CHFR: variants seen among roughly 807,000 people sequenced by gnomAD.
CHFR encodes checkpoint with forkhead and ring finger domains, also known as E3 ubiquitin-protein ligase CHFR.
Under a neutral mutation model 87.6 loss-of-function variants are expected in CHFR, and 57 were observed. The observed-to-expected ratio is 0.65, with a 90% CI of 0.53 to 0.81. CHFR has a LOEUF of 0.81. Among genes scored for constraint, CHFR ranks in the 30% least tolerant of loss-of-function variants. The pLI is 0.00. For missense variants in CHFR, 797 were observed against 865.8 expected (o/e 0.92, Z 1.00); for synonymous variants, 381 against 359.2 (o/e 1.06, Z -0.69).
chr12:132,858,998 G>A, intron 8 of CHFR, 70 bp downstream of exon 8: 1 of 1,480,406 alleles, frequency 6.8e-7, no homozygotes, highest in Non-Finnish European at 9.2e-7. Context: ...CTCATGCCCA[G>A]CCCTGCCCCA....
At chr12:132,885,037 G>A (rs986142381) in intron 2 of CHFR, among the ~76,000 whole-genome samples, 6 of 151,458 alleles carry the variant, frequency 4.0e-5, no homozygotes, top group African/African-American at 1.2e-4. Context: ...GCAGTGAGCC[G>A]AGATCATGCC....
intron 14 of CHFR, 46 bp downstream of exon 14, chr12:132,848,039 G>A (rs1398893789): frequency 7.4e-6 from 12 of 1,611,936 alleles, no homozygotes; most frequent in Non-Finnish European, 1.0e-5. Context: ...GCTGCACTAG[G>A]GAGAAAATGT....
In CHFR at chr12:132,851,695, A is replaced by C. The variant is rs1345653105; in HGVS notation, c.1415T>G (p.Leu472Arg). ...CATGGGCTGGAAGCAGCAGGTGCAC[A>C]GGGCGTGGCTTCCTTGCAGAGGGCA... ...YVCPLQGSHA[L>R]CTCCFQPMPD... The change falls in exon 12 of 18, where the codon CTG (leucine) becomes CGG (arginine). Residue 472 changes from leucine to arginine, a missense_variant. Physicochemically the swap from Leu to Arg is moderately radical, Grantham distance 102. Transcript: ENST00000450056. 4 of 1,613,434 alleles carry C rather than the reference A, an allele frequency of 2.5e-6. No homozygotes were observed. The highest frequency in any genetic ancestry group is 3.4e-6 in the Non-Finnish European group (4 of 1,179,936).
intron 2 of CHFR, among the ~76,000 whole-genome samples, chr12:132,880,817 T>G (rs1951750678): frequency 6.7e-6 from 1 of 149,728 alleles, no homozygotes; most frequent in Admixed American, 6.7e-5. Context: ...ATACAAAACT[T>G]AGCCAGGCAT....
At chr12:132,887,157 G>A in intron 2 of CHFR, 39 bp downstream of exon 2, 2 of 1,443,028 alleles carry the variant, frequency 1.4e-6, no homozygotes, top group Non-Finnish European at 1.8e-6. Context: ...CGGTGGCTCT[G>A]CCCGGCCCCG....
At chr12:132,862,802 G>A (rs945273606) in intron 6 of CHFR, among the ~76,000 whole-genome samples, 7 of 151,464 alleles carry the variant, frequency 4.6e-5, no homozygotes, top group East Asian at 2.0e-4. Flanking sequence ...GGATGGTCTC[G>A]ATCTCCTGAC....
In CHFR at chr12:132,835,160, C is replaced by G. The variant is rs1344758331; in HGVS notation, c.*6394G>C. 1 of 152,234 alleles carries G rather than the reference C, an allele frequency of 6.6e-6. No individual in the cohort carries two copies. The highest frequency in any genetic ancestry group is 1.5e-5 in the Non-Finnish European group (1 of 68,054). 9.4% of individuals were successfully genotyped at this position (152,234 alleles called of 1,614,324 possible). On this transcript the variant is annotated 3_prime_UTR_variant, in exon 18 of 18. Transcript: ENST00000450056. ...GTGCAAGGCAACATCATCACAGGCT[C>G]AAGTGATCGGATACGGGTATCTGTG...
rs199761208 is a variant in CHFR at position 132,859,165 on chromosome 12, C to T, written c.814G>A (p.Val272Ile). 106 of 1,613,936 alleles carry T rather than the reference C, an allele frequency of 6.6e-5. No homozygotes were observed. Among genetic ancestry groups the T allele is most frequent in the Admixed American group, 1.0e-4 (6 of 59,980 alleles). Residue 272 changes from valine to isoleucine, a missense_variant, in exon 8 of 18, where the codon GTC becomes ATC. Val to Ile is a conservative substitution (Grantham distance 29, BLOSUM62 3). This residue lies in a region of CHFR where 597 missense variants were observed against 601.2 expected (regional missense o/e 0.99). Transcript: ENST00000450056. ...GCCGCTGCTCTGACGTCCTCGTGGACGGTTTGGGCATTTCTACGCGGTTGT... is the reference window on the plus strand; with the variant it reads ...GCCGCTGCTCTGACGTCCTCGTGGATGGTTTGGGCATTTCTACGCGGTTGT... ...VAQPRRNAQT[V>I]HEDVRAAAGK... is the part of the protein sequence containing the mutation.
intron 3 of CHFR, among the ~76,000 whole-genome samples, chr12:132,874,243 G>A (rs1427337464): frequency 6.6e-6 from 1 of 152,266 alleles, no homozygotes; most frequent in Non-Finnish European, 1.5e-5. Flanking sequence ...CCATAAGAAA[G>A]TACCACCACC....
chr12:132,865,657 T>G (rs958235783), intron 6 of CHFR, among the ~76,000 whole-genome samples: 1 of 134,632 alleles, frequency 7.4e-6, no homozygotes, highest in South Asian at 2.6e-4. Context: ...ACAGGTCTTT[T>G]TTTTTTTTTT....
intron 14 of CHFR, 156 bp from the exon 15 acceptor site, chr12:132,847,286 G>A (rs776280817): frequency 2.5e-5 from 35 of 1,386,414 alleles, no homozygotes; most frequent in Admixed American, 2.0e-4. Flanking sequence ...GCACGTTCAC[G>A]GCCTGCAGCA....
chr12:132,841,373 T>C lies in CHFR; in HGVS notation c.*181A>G. On this transcript the variant is annotated 3_prime_UTR_variant, in exon 18 of 18. Coordinates refer to ENST00000450056, the MANE Select transcript of CHFR (RefSeq NM_001161346.2). ...GGGCGGGCTGCGGCCCCCGGGGCTC[T>C]GGGGAGGGTCTCACTCAGAGGGTAA... is the stretch of plus-strand genomic sequence containing the variant. 1 of 594,452 alleles carries C rather than the reference T, an allele frequency of 1.7e-6. No individual in the cohort carries two copies. Among genetic ancestry groups the C allele is most frequent in the Non-Finnish European group, 3.0e-6 (1 of 336,142 alleles). The allele number at this position is 594,452 out of a possible 1,614,324, so 36.8% of individuals were successfully genotyped here. A position where few individuals can be genotyped will look rare whatever the true frequency, so the allele number is the denominator to read the frequency against.
intron 17 of CHFR, among the ~76,000 whole-genome samples, chr12:132,842,520 C>T (rs576891601): frequency 8.5e-5 from 13 of 152,340 alleles, no homozygotes; most frequent in African/African-American, 2.4e-4. Context: ...GAGTGATTTA[C>T]GTGATCACCT....
chr12:132,857,643 C>A, intron 8 of CHFR, 84 bp from the exon 9 acceptor site: 1 of 1,368,762 alleles, frequency 7.3e-7, no homozygotes, highest in Non-Finnish European at 1.0e-6. Flanking sequence ...AGCCCCACCA[C>A]GGAAGGGCCT....
chr12:132,858,282 C>T (rs1331569589), intron 8 of CHFR, among the ~76,000 whole-genome samples: 1 of 152,066 alleles, frequency 6.6e-6, no homozygotes. Flanking sequence ...ATCACTTGAA[C>T]CTGGGAGGTG....
chr12:132,872,625 C>G (rs561038235), intron 3 of CHFR, among the ~76,000 whole-genome samples: 1 of 152,210 alleles, frequency 6.6e-6, no homozygotes, highest in African/African-American at 2.4e-5. Context: ...CACCTCCTCA[C>G]GTGCTTGGCA....
intron 6 of CHFR, among the ~76,000 whole-genome samples, chr12:132,868,612 G>A (rs935614047): frequency 1.3e-5 from 2 of 152,226 alleles, no homozygotes; most frequent in African/African-American, 2.4e-5. Flanking sequence ...CCTGGGAGGC[G>A]GAGCTTGCAG....
intron 3 of CHFR, among the ~76,000 whole-genome samples, chr12:132,874,846 G>A (rs1951588827): frequency 6.7e-6 from 1 of 149,662 alleles, no homozygotes; most frequent in African/African-American, 2.5e-5. Context: ...CCAGCACCCA[G>A]TGCAGGGAAC....
At chr12:132,874,975 G>A (rs1593518879) in intron 3 of CHFR, among the ~76,000 whole-genome samples, 1 of 133,182 alleles carries the variant, frequency 7.5e-6, no homozygotes. Flanking sequence ...AGGCCCTGAT[G>A]TAGGCGGGAA....
Sources: allele counts gnomAD v4.1 joint callset (sites outside exome capture counted in the v4.1 genomes callset), GRCh38; gene constraint gnomAD v4.1.1; regional missense constraint gnomAD v4.1.1; transcripts MANE v1.5; gene names NCBI Gene and HGNC (gene_info 2026-07-23, HGNC 2026-07-21).